Variants in PSIP1 observed in about 807,000 individuals in gnomAD.
The protein encoded by PSIP1 is PC4 and SFRS1-interacting protein.
A neutral mutation model predicts 74.7 loss-of-function variants in PSIP1; 19 were observed. That is an observed-to-expected ratio of 0.25 (90% confidence interval 0.18 to 0.37). The LOEUF (loss-of-function observed/expected upper bound fraction) is 0.37. Among genes scored for constraint, PSIP1 ranks in the 10% least tolerant of loss-of-function variants. The pLI, the probability that PSIP1 is intolerant of heterozygous loss-of-function variation, is 1.00. For synonymous variants in PSIP1, 222 were observed against 195.3 expected, an observed-to-expected ratio of 1.14 and a Z score of -1.14; for missense variants, 601 against 614.3, an observed-to-expected ratio of 0.98 and a Z score of 0.23.
intron 3 of PSIP1, among the ~76,000 whole-genome samples, chr9:15,501,937 C>T (rs1346590724): frequency 6.6e-6 from 1 of 151,114 alleles, no homozygotes; most frequent in Non-Finnish European, 1.5e-5. Context: ...AGTACCCGTC[C>T]GTGGCCTGTT....
chr9:15,502,557 T>A (rs117845441), intron 3 of PSIP1, among the ~76,000 whole-genome samples: 1 of 152,176 alleles, frequency 6.6e-6, no homozygotes, highest in Non-Finnish European at 1.5e-5. Flanking sequence ...TACAGACATG[T>A]CCCAGTGTGC....
chr9:15,465,625 C>A (rs755401846), intron 15 of PSIP1, 45 bp from the exon 16 acceptor site: 1 of 1,451,222 alleles, frequency 6.9e-7, no homozygotes, highest in Admixed American at 2.1e-5. Context: ...GGATTTTCTC[C>A]TGATGAAGGA....
Position 15,510,016 on chromosome 9 carries a change from G to C in PSIP1, c.72+101C>G, listed in dbSNP as rs544489120. ...CAGGTTACAAATGAGACTAAAGCGA[G>C]GGAGAGAAAGGACAGAAGAAAAAAT... On this transcript the variant is annotated intron_variant, in intron 2 of 15. Coordinates refer to ENST00000380733, the MANE Select transcript of PSIP1 (RefSeq NM_033222.5). The C allele has an allele frequency of 1.7e-4, 209 of 1,195,358 alleles. 2 individuals carry two copies. In the East Asian group the frequency reaches 5.5e-3, roughly 31 times the overall value. 74.0% of individuals were successfully genotyped at this position (1,195,358 alleles called of 1,614,324 possible). A position where few individuals can be genotyped will look rare whatever the true frequency, so the allele number is the denominator to read the frequency against.
chr9:15,492,927 G>A (rs942956585), intron 3 of PSIP1, among the ~76,000 whole-genome samples: 1 of 152,306 alleles, frequency 6.6e-6, no homozygotes, highest in African/African-American at 2.4e-5. Flanking sequence ...AACGCTGCAC[G>A]CAGCAGGAAG....
intron 3 of PSIP1, chr9:15,505,973 G>A (rs960245181): frequency 6.6e-6 from 1 of 152,208 alleles, no homozygotes; most frequent in Non-Finnish European, 1.5e-5. Flanking sequence ...TAGGTACATA[G>A]GAACATTCTT....
intron 6 of PSIP1, among the ~76,000 whole-genome samples, chr9:15,482,928 A>G (rs2036399378): frequency 6.6e-6 from 1 of 152,106 alleles, no homozygotes; most frequent in Non-Finnish European, 1.5e-5. Flanking sequence ...TCTTACTGGT[A>G]CCCTCTCTAA....
chr9:15,508,293 A>G (rs1166689184), intron 2 of PSIP1, among the ~76,000 whole-genome samples: 1 of 152,220 alleles, frequency 6.6e-6, no homozygotes, highest in Non-Finnish European at 1.5e-5. Flanking sequence ...TTAAGAATGA[A>G]GAAGACAGAA....
chr9:15,490,563 G>A (rs2036782011), intron 3 of PSIP1, among the ~76,000 whole-genome samples: 1 of 151,360 alleles, frequency 6.6e-6, no homozygotes, highest in Non-Finnish European at 1.5e-5. Context: ...TGCACCTGTA[G>A]TCCCAGCTAC....
At chr9:15,507,800 A>T (rs1313811136) in intron 2 of PSIP1, among the ~76,000 whole-genome samples, 2 of 152,200 alleles carry the variant, frequency 1.3e-5, no homozygotes, top group Non-Finnish European at 2.9e-5. Flanking sequence ...GTGTTGCAGA[A>T]GAAGACCATC....
At chr9:15,499,427 C>T (rs1049045250) in intron 3 of PSIP1, among the ~76,000 whole-genome samples, 1 of 152,156 alleles carries the variant, frequency 6.6e-6, no homozygotes, top group Admixed American at 6.6e-5. Flanking sequence ...CACGTTGAAG[C>T]CCTAAGTGTG....
intron 3 of PSIP1, among the ~76,000 whole-genome samples, chr9:15,499,533 G>A (rs1432131973): frequency 6.6e-6 from 1 of 151,964 alleles, no homozygotes; most frequent in South Asian, 2.1e-4. Flanking sequence ...ATACCCACAA[G>A]AACACACACA....
intron 6 of PSIP1, among the ~76,000 whole-genome samples, chr9:15,481,546 A>T (rs567367055): frequency 6.6e-6 from 1 of 152,072 alleles, no homozygotes; most frequent in Admixed American, 6.6e-5. Context: ...AAATACAAAA[A>T]TAAGTCAGGC....
Position 15,468,938 on chromosome 9 carries a change from A to G in PSIP1, c.1206+19T>C, listed in dbSNP as rs2035735694. The stretch of plus-strand genomic sequence containing the variant: ...TAATGACAAAATTCAAAGAATCCAC[A>G]TGACTTGAAATCACTTACTTTTTTC... On this transcript the variant is annotated intron_variant, in intron 13 of 15. Coordinates refer to ENST00000380733, the MANE Select transcript of PSIP1 (RefSeq NM_033222.5). 3.7e-6 allele frequency: 6 copies of G among 1,609,496 alleles called. No homozygotes were observed. The highest frequency in any genetic ancestry group is 3.4e-6 in the Non-Finnish European group (4 of 1,177,110).
At chr9:15,497,325 C>CTTTTTTTTTTTTTT (rs767922897) in intron 3 of PSIP1, among the ~76,000 whole-genome samples, 2,342 of 118,154 alleles carry the variant, frequency 0.02, 149 homozygotes, top group African/African-American at 0.025. Context: ...TCTATGATTC[C>CTTTTTTTTTTTTTT]TTTTTTTTTT....
At chr9:15,488,745 G>C (rs1197216303) in intron 4 of PSIP1, among the ~76,000 whole-genome samples, 1 of 151,994 alleles carries the variant, frequency 6.6e-6, no homozygotes, top group African/African-American at 2.4e-5. Context: ...AATTAGGCTG[G>C]ACACAGTGGC....
chr9:15,498,130 C>T (rs972067295), intron 3 of PSIP1, among the ~76,000 whole-genome samples: 2 of 152,168 alleles, frequency 1.3e-5, no homozygotes, highest in African/African-American at 4.8e-5. Context: ...GTGGGTCAAG[C>T]CGGGAATGGT....
chr9:15,510,250 G>C lies in PSIP1; in HGVS notation c.-62C>G. 6.5e-7 allele frequency: 1 copy of C among 1,529,420 alleles called. No individual in the cohort carries two copies. The highest frequency in any genetic ancestry group is 8.9e-7 in the Non-Finnish European group (1 of 1,122,580). 94.7% of individuals were successfully genotyped at this position (1,529,420 alleles called of 1,614,324 possible). A position where few individuals can be genotyped will look rare whatever the true frequency, so the allele number is the denominator to read the frequency against. On this transcript the variant is annotated 5_prime_UTR_variant, in exon 2 of 16. Transcript: ENST00000380733. ...GGCGGCGAGGAGATGCGGCGGCGCG[G>C]GGATGCGGGCGGCGGACGCGGGCCC...
intron 3 of PSIP1, chr9:15,505,290 G>T (rs1288542585): frequency 6.6e-6 from 1 of 152,076 alleles, no homozygotes; most frequent in Non-Finnish European, 1.5e-5. Context: ...TGCTAGACCT[G>T]ACAACACACT....
At position 15,510,218 on chromosome 9, in the gene PSIP1, C is replaced by A; in HGVS notation, c.-30G>T. Reference sequence around the variant, plus strand: ...CGGGGGCGAGACCGGGGGTCCGAAGCCCGGGAGGCGGCGAGGAGATGCGGC... The same window carrying A: ...CGGGGGCGAGACCGGGGGTCCGAAGACCGGGAGGCGGCGAGGAGATGCGGC... On this transcript the variant is annotated 5_prime_UTR_variant, in exon 2 of 16. Transcript: ENST00000380733. 1.3e-6 allele frequency: 2 copies of A among 1,592,284 alleles called. No individual in the cohort carries two copies. The highest frequency in any genetic ancestry group is 1.7e-6 in the Non-Finnish European group (2 of 1,170,012).
Sources: gnomAD v4.1 joint callset for allele counts (sites outside exome capture counted in the v4.1 genomes callset) on GRCh38, gnomAD v4.1.1 for gene constraint, MANE v1.5 for transcripts, NCBI Gene and HGNC (gene_info 2026-07-23, HGNC 2026-07-21) for gene names.